The following ESR1 variants were observed in gnomAD, a reference collection of about 807,000 sequenced individuals.
The protein encoded by ESR1 is estrogen receptor.
ESR1 carries 12 observed loss-of-function variants against 52.7 expected under a neutral mutation model. That is an observed-to-expected ratio of 0.23 (90% CI 0.15 to 0.37). ESR1 has a LOEUF of 0.37. Ranked by LOEUF, ESR1 falls within the 10% of genes least tolerant of loss-of-function variation. ESR1 has a pLI of 1.00. For synonymous variants in ESR1, 305 were observed against 316.8 expected, an observed-to-expected ratio of 0.96 and a Z score of 0.39; for missense variants, 584 against 779.7, an observed-to-expected ratio of 0.75 and a Z score of 2.99.
Position 152,118,722 on chromosome 6 carries a change from T to C in ESR1, c.851-6544T>C, listed in dbSNP as rs561595142. ...GTGCAGCAAACCACCATGGCACATG[T>C]ATACCTGTGTAACAAACCTGCACGT... On this transcript the variant is annotated intron_variant, in intron 6 of 6. Coordinates refer to the ESR1 transcript ENST00000427531. Among the ~76,000 whole-genome samples, 4 of 152,172 alleles carry C rather than the reference T, an allele frequency of 2.6e-5. No homozygotes were observed. In the East Asian group the frequency reaches 7.7e-4, roughly 29 times the overall value.
intron 3 of ESR1, among the ~76,000 whole-genome samples, chr6:151,908,480 G>A (rs552755237): frequency 6.6e-6 from 1 of 152,146 alleles, no homozygotes. Flanking sequence ...TTTCTGGGGT[G>A]TTAATATGCC....
At chr6:151,724,432 C>T (rs989704456) in intron 2 of ESR1, among the ~76,000 whole-genome samples, 5 of 151,976 alleles carry the variant, frequency 3.3e-5, no homozygotes, top group Non-Finnish European at 7.4e-5. Flanking sequence ...GAGAAAGAAC[C>T]TTCAGAAACG....
chr6:151,898,917 C>T (rs1212984791), intron 3 of ESR1, among the ~76,000 whole-genome samples: 1 of 152,136 alleles, frequency 6.6e-6, no homozygotes, highest in Non-Finnish European at 1.5e-5. Flanking sequence ...CTGTTGGGCA[C>T]ACCTCCCAGA....
intron 4 of ESR1, among the ~76,000 whole-genome samples, chr6:151,975,437 G>A (rs1368995201): frequency 6.6e-6 from 1 of 151,946 alleles, no homozygotes; most frequent in African/African-American, 2.4e-5. Flanking sequence ...GAACCAGTAG[G>A]ATCAATTGAT....
intron 5 of ESR1, among the ~76,000 whole-genome samples, chr6:152,017,216 T>A (rs1464606747): frequency 6.6e-6 from 1 of 152,210 alleles, no homozygotes; most frequent in Non-Finnish European, 1.5e-5. Context: ...TTAAAAAGAA[T>A]GATTGCTTGA....
intron 1 of ESR1, among the ~76,000 whole-genome samples, chr6:151,830,520 G>A (rs930065341): frequency 2.6e-5 from 4 of 151,834 alleles, no homozygotes; most frequent in Admixed American, 6.6e-5. Flanking sequence ...TCTCTCTCTC[G>A]ACTTACCTTT....
In ESR1 at chr6:151,680,908, G is replaced by A. The variant is rs1033984015; in HGVS notation, n.74-20967G>A. The stretch of plus-strand genomic sequence containing the variant: ...AAATCCTGTTCGAGTCGCTGGGTTT[G>A]CCTTGCTCCACTGGGATGAAGTCCT... On this transcript the variant is annotated intron_variant and non_coding_transcript_variant, in intron 1 of 2. Transcript: ENST00000473497. Among the ~76,000 whole-genome samples the A allele has an allele frequency of 5.3e-5, 8 of 152,240 alleles. No individual in the cohort carries two copies. The East Asian group carries it at 1.6e-3, about 30-fold the overall frequency.
chr6:151,827,431 G>C (rs537836580), intron 1 of ESR1, among the ~76,000 whole-genome samples: 1 of 151,920 alleles, frequency 6.6e-6, no homozygotes, highest in Non-Finnish European at 1.5e-5. Flanking sequence ...GAGTCCTCAG[G>C]ACTCTGGCTT....
At chr6:151,792,281 G>T (rs1377221090) in intron 2 of ESR1, among the ~76,000 whole-genome samples, 1 of 152,194 alleles carries the variant, frequency 6.6e-6, no homozygotes, top group Admixed American at 6.5e-5. Context: ...TCAGCGAATG[G>T]CTGATGAGTG....
chr6:152,036,004 A>C (rs1408626892), intron 5 of ESR1, among the ~76,000 whole-genome samples: 1 of 152,242 alleles, frequency 6.6e-6, no homozygotes, highest in Non-Finnish European at 1.5e-5. Flanking sequence ...TAGGTCTTCA[A>C]CATGGCACCA....
intron 2 of ESR1, among the ~76,000 whole-genome samples, chr6:151,866,857 TG>T (rs1790004620): frequency 6.6e-6 from 1 of 152,184 alleles, no homozygotes; most frequent in African/African-American, 2.4e-5. Flanking sequence ...ATGGGATGGC[TG>T]GGTCAAATAC....
intron 2 of ESR1, among the ~76,000 whole-genome samples, chr6:151,753,050 G>A (rs77794638): frequency 0.021 from 3,187 of 152,158 alleles, 118 homozygotes; most frequent in African/African-American, 0.073. Flanking sequence ...TCACCATAAC[G>A]AATAAATCAT....
intron 1 of ESR1, among the ~76,000 whole-genome samples, chr6:151,809,795 T>C (rs578048703): frequency 1.3e-5 from 2 of 152,244 alleles, no homozygotes; most frequent in South Asian, 4.1e-4. Context: ...CTTTTAAAGG[T>C]TGGCATATTT....
chr6:151,768,553 C>G (rs747859183), intron 2 of ESR1, among the ~76,000 whole-genome samples: 2 of 152,022 alleles, frequency 1.3e-5, no homozygotes, highest in Non-Finnish European at 2.9e-5. Flanking sequence ...TAATACTGTA[C>G]CTATGTGAAT....
intron 4 of ESR1, among the ~76,000 whole-genome samples, chr6:151,962,373 C>T (rs577867363): frequency 5.3e-4 from 80 of 152,076 alleles, no homozygotes; most frequent in African/African-American, 1.8e-3. Flanking sequence ...CTGAGAGGAC[C>T]ACGGGAGCAC....
chr6:151,685,504 C>G (rs1479038828), upstream of ESR1, among the ~76,000 whole-genome samples: 1 of 152,190 alleles, frequency 6.6e-6, no homozygotes, highest in African/African-American at 2.4e-5. Flanking sequence ...TAGTAGTTGA[C>G]AAACGTAAAC....
chr6:151,786,728 A>G (rs1304368935), intron 2 of ESR1, among the ~76,000 whole-genome samples: 1 of 151,152 alleles, frequency 6.6e-6, no homozygotes, highest in Non-Finnish European at 1.5e-5. Context: ...GAAAAAAAAT[A>G]TGCTCAGTTT....
chr6:152,127,474 G>T lies in ESR1; in HGVS notation c.*2126G>T, dbSNP rs141951358. On this transcript the variant is annotated 3_prime_UTR_variant, in exon 7 of 7. Transcript: ENST00000427531. ...CTATTATCTGTATAATGATACCAAG[G>T]GTGTGCCGACTCATACCCTTAGGGG... 293 of 152,140 alleles carry T rather than the reference G, an allele frequency of 1.9e-3. 5 individuals carry two copies. Among genetic ancestry groups the T allele is most frequent in the African/African-American group, 6.7e-3 (277 of 41,496 alleles). 9.4% of individuals were successfully genotyped at this position (152,140 alleles called of 1,614,324 possible). A position where few individuals can be genotyped will look rare whatever the true frequency, so the allele number is the denominator to read the frequency against.
At chr6:151,840,531 A>G (rs1055213959) in intron 1 of ESR1, among the ~76,000 whole-genome samples, 13 of 152,230 alleles carry the variant, frequency 8.5e-5, no homozygotes, top group African/African-American at 3.1e-4. Flanking sequence ...TATTATGGCA[A>G]ATGTAGTTTG....
Sources: allele counts gnomAD v4.1 joint callset (sites outside exome capture counted in the v4.1 genomes callset), GRCh38; gene constraint gnomAD v4.1.1; transcripts MANE v1.5; gene names NCBI Gene and HGNC (gene_info 2026-07-23, HGNC 2026-07-21).